TLN2: variants seen among roughly 807,000 people sequenced by gnomAD.
TLN2 encodes talin-2.
A neutral mutation model predicts 294.7 loss-of-function variants in TLN2; 118 were observed. The ratio of observed to expected loss-of-function variants is 0.40; its 90% CI spans 0.34 to 0.47. The LOEUF (loss-of-function observed/expected upper bound fraction) is 0.47, where lower values mean the gene tolerates loss of function less well. TLN2 is among the 20% of genes least tolerant of loss of function. TLN2 has a pLI of 0.84. For synonymous variants in TLN2, 1,431 were observed against 1,304.5 expected (o/e 1.10, Z -2.09); for missense variants, 3,083 against 3,282.2 (o/e 0.94, Z 1.48).
At position 62,805,719 on chromosome 15, in the gene TLN2, G is replaced by A. The variant is rs1319325907; in HGVS notation, c.6597G>A (p.Gln2199=). Residue 2199 remains glutamine (Q), a synonymous_variant, in exon 51 of 59, where the codon CAG becomes CAA. Transcript: ENST00000636159. The part of the protein sequence containing the change: ...KAVAAGNSCR[Q]EDVIATANLS... ...TGGCAGCTGGGAACTCATGTAGACA[G>A]GAGGACGTGATTGCTACTGCCAACC... 2 of 1,614,198 alleles carry A rather than the reference G, an allele frequency of 1.2e-6. No individual in the cohort carries two copies. Among genetic ancestry groups the A allele is most frequent in the Non-Finnish European group, 8.5e-7 (1 of 1,180,014 alleles).
At chr15:62,694,984 T>A (rs1444180068) in intron 14 of TLN2, among the ~76,000 whole-genome samples, 1 of 152,226 alleles carries the variant, frequency 6.6e-6, no homozygotes, top group Non-Finnish European at 1.5e-5. Flanking sequence ...ACCACCTAAG[T>A]AGGTTTTATT....
chr15:62,748,150 C>G (rs1001370571), intron 32 of TLN2, among the ~76,000 whole-genome samples: 1 of 152,032 alleles, frequency 6.6e-6, no homozygotes, highest in Non-Finnish European at 1.5e-5. Flanking sequence ...AATGAATAAT[C>G]AGAGGCGAGG....
intron 1 of TLN2, among the ~76,000 whole-genome samples, chr15:62,483,729 G>A (rs537353837): frequency 6.6e-6 from 1 of 152,270 alleles, no homozygotes; most frequent in South Asian, 2.1e-4. Context: ...TTGGGCATGG[G>A]TCTTATTAGT....
chr15:62,479,465 A>T (rs1306023086), intron 1 of TLN2, among the ~76,000 whole-genome samples: 1 of 151,828 alleles, frequency 6.6e-6, no homozygotes, highest in Non-Finnish European at 1.5e-5. Flanking sequence ...TCTGAAGCAG[A>T]CTTCTTTGTC....
At chr15:62,750,116 C>G (rs2061845349) in intron 33 of TLN2, among the ~76,000 whole-genome samples, 1 of 152,172 alleles carries the variant, frequency 6.6e-6, no homozygotes, top group East Asian at 1.9e-4. Flanking sequence ...GTTTTAAATG[C>G]CATCCTTCTG....
chr15:62,544,218 T>C (rs912849425), intron 1 of TLN2, among the ~76,000 whole-genome samples: 19 of 152,210 alleles, frequency 1.2e-4, no homozygotes, highest in African/African-American at 4.6e-4. Context: ...TTAAAAAATA[T>C]TGTGGAAGGT....
At position 62,719,875 on chromosome 15, in the gene TLN2, C is replaced by T; in HGVS notation, c.2986C>T (p.Leu996Phe). 6.2e-7 allele frequency: 1 copy of T among 1,608,114 alleles called. No individual in the cohort carries two copies. Among genetic ancestry groups the T allele is most frequent in the African/African-American group, 1.3e-5 (1 of 74,992 alleles). ...LALIISSQNF[L>F]QPGSKMVSSA... ...TCTCATCATCTCCAGCCAGAACTTCCTCCAGGTAACAGGGCTGTGGTCACC... is the reference window on the plus strand; with the variant it reads ...TCTCATCATCTCCAGCCAGAACTTCTTCCAGGTAACAGGGCTGTGGTCACC... Residue 996 changes from leucine to phenylalanine, a missense_variant, in exon 25 of 59, where the codon CTC becomes TTC. Leu to Phe is a conservative substitution (Grantham distance 22, BLOSUM62 0). Transcript: ENST00000636159.
chr15:62,628,479 T>A (rs139080980), intron 3 of TLN2, among the ~76,000 whole-genome samples: 208 of 152,376 alleles, frequency 1.4e-3, no homozygotes, highest in Admixed American at 2.2e-3. Flanking sequence ...TTAAGTGGAA[T>A]TATTGTAAAC....
At chr15:62,698,692 A>C (rs1263228240) in intron 15 of TLN2, 62 bp from the exon 16 acceptor site, 5 of 1,410,474 alleles carry the variant, frequency 3.5e-6, no homozygotes, top group South Asian at 2.3e-5. Flanking sequence ...TTTGTTTTGC[A>C]TAAAGGGCCA....
rs534529822 is a variant in TLN2, at chr15:62,782,523, T to G, written c.5617-1248T>G. Among the ~76,000 whole-genome samples, 24 of 152,316 alleles carry G rather than the reference T, an allele frequency of 1.6e-4. No individual in the cohort carries two copies. In the South Asian group the frequency reaches 2.3e-3, roughly 14 times the overall value. On this transcript the variant is annotated intron_variant, in intron 44 of 58. Transcript: ENST00000636159. The stretch of plus-strand genomic sequence containing the variant: ...GCCTTGGCTTGACCCTGGGTGTCCA[T>G]GAGCTTAAGGAGCTGAGCCTCAGGC...
Position 62,694,321 on chromosome 15 carries a change from A to G in TLN2, c.1221A>G (p.Gln407=). Reference sequence around the variant, plus strand: ...TTGTTTTATTGCATTTCCAGAAACAAAGTAAAGATCGATTTGGACTAGAAG... The same window carrying G: ...TTGTTTTATTGCATTTCCAGAAACAGAGTAAAGATCGATTTGGACTAGAAG... ...GYIDIILKKK[Q]SKDRFGLEGD... The change falls in exon 14 of 59, where the codon CAA becomes CAG. Residue 407 remains glutamine (Q), a synonymous_variant. Coordinates refer to ENST00000636159, the MANE Select transcript of TLN2 (RefSeq NM_015059.3). The G allele has an allele frequency of 6.2e-7, 1 of 1,614,092 alleles. No individual in the cohort carries two copies. Among genetic ancestry groups the G allele is most frequent in the Non-Finnish European group, 8.5e-7 (1 of 1,179,966 alleles).
intron 34 of TLN2, among the ~76,000 whole-genome samples, 190 bp from the exon 35 acceptor site, chr15:62,752,115 T>C (rs2061973389): frequency 6.6e-6 from 1 of 152,252 alleles, no homozygotes; most frequent in African/African-American, 2.4e-5. Flanking sequence ...TATACTTTCA[T>C]TGTACTTATC....
At chr15:62,520,854 T>A (rs894900817) in intron 1 of TLN2, among the ~76,000 whole-genome samples, 4 of 152,224 alleles carry the variant, frequency 2.6e-5, no homozygotes, top group African/African-American at 9.6e-5. Flanking sequence ...AGATATTTTT[T>A]AAGGACCTTT....
intron 45 of TLN2, among the ~76,000 whole-genome samples, chr15:62,785,905 AAG>A (rs1430203553): frequency 6.6e-6 from 1 of 152,220 alleles, no homozygotes; most frequent in African/African-American, 2.4e-5. Flanking sequence ...ACAGCAAGGA[AAG>A]AGAATGTGTT....
At chr15:62,600,778 T>A (rs1197954553) in intron 2 of TLN2, among the ~76,000 whole-genome samples, 1 of 152,240 alleles carries the variant, frequency 6.6e-6, no homozygotes, top group African/African-American at 2.4e-5. Flanking sequence ...TCCCCTTCCC[T>A]CTTCCCACCC....
rs1481725197 is a variant in TLN2, at chr15:62,727,124, A to C, written c.3293A>C (p.Lys1098Thr). The C allele has an allele frequency of 6.2e-7, 1 of 1,614,214 alleles. No individual in the cohort carries two copies. The highest frequency in any genetic ancestry group is 1.1e-5 in the South Asian group (1 of 91,074). Residue 1098 changes from lysine to threonine, a missense_variant, in exon 28 of 59, where the codon AAG (lysine) becomes ACG (threonine). Coordinates refer to ENST00000636159, the MANE Select transcript of TLN2 (RefSeq NM_015059.3). ...KCAQDLGSTS[K>T]AVGSSMAQLL... is the part of the protein sequence containing the mutation. ...GCTCAGGACCTGGGAAGCACATCCAAGGCGGTGGGCTCCTCCATGGCACAG... is the reference window on the plus strand; with the variant it reads ...GCTCAGGACCTGGGAAGCACATCCACGGCGGTGGGCTCCTCCATGGCACAG...
At chr15:62,606,311 G>A (rs796381332) in intron 2 of TLN2, among the ~76,000 whole-genome samples, 3 of 150,190 alleles carry the variant, frequency 2.0e-5, no homozygotes, top group South Asian at 2.1e-4. Context: ...GGCTGGTCTC[G>A]AATTCCTGAC....
At chr15:62,555,934 CT>C (rs11356198) in intron 1 of TLN2, among the ~76,000 whole-genome samples, 105,662 of 120,060 alleles carry the variant, frequency 0.88, 46,337 homozygotes, top group East Asian at 0.98. Context: ...ATTTTTTAAA[CT>C]TTTTTTTTTT....
chr15:62,719,809 G>T lies in TLN2; in HGVS notation c.2920G>T (p.Gly974Trp). 1.9e-6 allele frequency: 3 copies of T among 1,611,952 alleles called. No homozygotes were observed. Among genetic ancestry groups the T allele is most frequent in the Non-Finnish European group, 2.5e-6 (3 of 1,178,898 alleles). ...CCCTCAGCTGGTCCAGGGAGTGAGG[G>T]GGAGCCAAGCTCAAGCTGAAGACCT... ...HIPQLVQGVR[G>W]SQAQAEDLSA... is the part of the protein sequence containing the mutation. Residue 974 changes from glycine (G) to tryptophan (W), a missense_variant, in exon 25 of 59, where the codon GGG (glycine) becomes TGG (tryptophan). By Grantham distance (184) the Gly-to-Trp change is radical. Coordinates refer to ENST00000636159, the MANE Select transcript of TLN2 (RefSeq NM_015059.3).
Sources: gnomAD v4.1 joint callset for allele counts (sites outside exome capture counted in the v4.1 genomes callset) on GRCh38, gnomAD v4.1.1 for gene constraint, MANE v1.5 for transcripts, NCBI Gene and HGNC (gene_info 2026-07-23, HGNC 2026-07-21) for gene names.